HOXD3: variants seen among roughly 807,000 people sequenced by gnomAD.
HOXD3 encodes homeobox D3.
A neutral mutation model predicts 32.8 loss-of-function variants in HOXD3; 13 were observed. The observed-to-expected ratio is 0.40, with a 90% CI of 0.26 to 0.63. The LOEUF (loss-of-function observed/expected upper bound fraction) is 0.63, where lower values mean the gene tolerates loss of function less well. HOXD3 is among the 20% of genes least tolerant of loss of function. The probability of loss-of-function intolerance (pLI) is 0.44; values close to 1 mark genes in which losing one functional copy is unlikely to be tolerated. For missense variants in HOXD3, 504 were observed against 577.1 expected, an observed-to-expected ratio of 0.87 and a Z score of 1.30; for synonymous variants, 241 against 246.8, an observed-to-expected ratio of 0.98 and a Z score of 0.22.
chr2:176,172,592 C>A lies in HOXD3; in HGVS notation c.*318C>A. Reference sequence around the variant, plus strand: ...AAGTCTGAGACCCATCAGCGGCGCGCCCTGCAGAGGGACCAGAGCTTGGAG... The same window carrying A: ...AAGTCTGAGACCCATCAGCGGCGCGACCTGCAGAGGGACCAGAGCTTGGAG... On this transcript the variant is annotated 3_prime_UTR_variant, in exon 4 of 4. Coordinates refer to ENST00000683222, the MANE Select transcript of HOXD3 (RefSeq NM_006898.5). 1 of 337,680 alleles carries A rather than the reference C, an allele frequency of 3.0e-6. No individual in the cohort carries two copies. Among genetic ancestry groups the A allele is most frequent in the Non-Finnish European group, 5.4e-6 (1 of 185,690 alleles). The allele number at this position is 337,680 out of a possible 1,614,324, so 20.9% of individuals were successfully genotyped here. A position where few individuals can be genotyped will look rare whatever the true frequency, so the allele number is the denominator to read the frequency against.
upstream of HOXD3, among the ~76,000 whole-genome samples, chr2:176,154,797 A>G (rs973896516): frequency 6.6e-6 from 1 of 152,204 alleles, no homozygotes; most frequent in African/African-American, 2.4e-5. Flanking sequence ...ACATGGCAAT[A>G]CTTGAATGTC....
chr2:176,159,470 A>C (rs975265259), intron 1 of HOXD3, among the ~76,000 whole-genome samples: 10 of 152,326 alleles, frequency 6.6e-5, no homozygotes, highest in African/African-American at 2.4e-4. Context: ...AATCAGCAAC[A>C]GAGCATTTCA....
At chr2:176,169,002 T>C in intron 2 of HOXD3, 29 bp from the exon 3 acceptor site, 1 of 1,467,144 alleles carries the variant, frequency 6.8e-7, no homozygotes. Flanking sequence ...TGACACTCCC[T>C]CTGGGGCCTC....
intron 2 of HOXD3, chr2:176,165,108 C>A (rs1690922500): frequency 6.6e-6 from 1 of 152,280 alleles, no homozygotes; most frequent in Non-Finnish European, 1.5e-5. Flanking sequence ...TCTTTTGCTG[C>A]GCTGCCTCCT....
At chr2:176,166,830 T>C (rs1335907796) in intron 2 of HOXD3, among the ~76,000 whole-genome samples, 1 of 152,126 alleles carries the variant, frequency 6.6e-6, no homozygotes, top group Non-Finnish European at 1.5e-5. Context: ...AAAGACTAAT[T>C]AGAAGAATTT....
chr2:176,166,241 T>C (rs1690967081), intron 2 of HOXD3, among the ~76,000 whole-genome samples: 1 of 152,242 alleles, frequency 6.6e-6, no homozygotes, highest in South Asian at 2.1e-4. Flanking sequence ...TCTAGGAATA[T>C]GCCATAGAAG....
At chr2:176,166,738 C>T (rs1254166854) in intron 2 of HOXD3, among the ~76,000 whole-genome samples, 1 of 152,070 alleles carries the variant, frequency 6.6e-6, no homozygotes, top group Admixed American at 6.5e-5. Context: ...GTATTAAGGG[C>T]CTGTTCCTCA....
chr2:176,164,254 C>T (rs1460367624), intron 2 of HOXD3, 86 bp downstream of exon 2: 5 of 152,172 alleles, frequency 3.3e-5, no homozygotes, highest in Non-Finnish European at 7.3e-5. Context: ...TACATCAAGA[C>T]ATAGAACAAA....
intron 2 of HOXD3, chr2:176,164,948 G>C (rs925724986): frequency 1.3e-5 from 2 of 152,230 alleles, no homozygotes; most frequent in African/African-American, 4.8e-5. Context: ...GCCACCACGG[G>C]CAGCAGATTT....
chr2:176,154,209 T>A (rs1253536708), upstream of HOXD3, among the ~76,000 whole-genome samples: 1 of 152,182 alleles, frequency 6.6e-6, no homozygotes, highest in Non-Finnish European at 1.5e-5. Flanking sequence ...TGTAAAAGTA[T>A]AAAAGTTTTC....
upstream of HOXD3, among the ~76,000 whole-genome samples, chr2:176,157,068 G>C (rs930303640): frequency 4.6e-5 from 7 of 152,116 alleles, no homozygotes; most frequent in Non-Finnish European, 1.0e-4. Context: ...TGAGTATAGA[G>C]TACAGTAAAT....
upstream of HOXD3, among the ~76,000 whole-genome samples, chr2:176,156,711 A>G (rs1163635764): frequency 6.6e-6 from 1 of 152,130 alleles, no homozygotes; most frequent in Non-Finnish European, 1.5e-5. Flanking sequence ...AGTGCCCTGC[A>G]CTACATTTAC....
Position 176,165,004 on chromosome 2 carries a change from C to G in HOXD3, c.-85+836C>G, listed in dbSNP as rs865861807. On this transcript the variant is annotated intron_variant, in intron 2 of 3. Coordinates refer to ENST00000683222, the MANE Select transcript of HOXD3 (RefSeq NM_006898.5). Reference sequence around the variant, plus strand: ...GCGCGTTCGTCCCGCCTCCGACCGCCGAGCAGAGCTGCTAGCAGAAGCAGG... The same window carrying G: ...GCGCGTTCGTCCCGCCTCCGACCGCGGAGCAGAGCTGCTAGCAGAAGCAGG... 11 of 152,372 alleles carry G rather than the reference C, an allele frequency of 7.2e-5. No homozygotes were observed. The South Asian group carries it at 1.4e-3, about 20-fold the overall frequency. 9.4% of individuals were successfully genotyped at this position (152,372 alleles called of 1,614,324 possible).
In HOXD3 at chr2:176,169,246, C is replaced by A. The variant is rs771469636; in HGVS notation, c.132C>A (p.Ser44Arg). The change falls in exon 3 of 4, where the codon AGC (serine) becomes AGA (arginine). Residue 44 changes from serine to arginine, a missense_variant. Physicochemically the swap from Ser to Arg is moderately radical, Grantham distance 110. This residue lies in a region of HOXD3 where 181 missense variants were observed against 172.2 expected (regional missense o/e 1.05). Transcript: ENST00000683222. The part of the protein sequence containing the change: ...YSKTTDTYGY[S>R]TPHQPYPPPA... ...AAACTACGGACACTTACGGCTACAG[C>A]ACCCCCCACCAGCCCTACCCACCCC... 1.3e-5 allele frequency: 21 copies of A among 1,613,946 alleles called. No homozygotes were observed. The highest frequency in any genetic ancestry group is 1.7e-5 in the Non-Finnish European group (20 of 1,179,960).
chr2:176,154,477 A>T (rs548598149), upstream of HOXD3, among the ~76,000 whole-genome samples: 64 of 152,374 alleles, frequency 4.2e-4, no homozygotes, highest in South Asian at 1.7e-3. Context: ...AAAGTGGGAA[A>T]GGGAGAAAGG....
intron 1 of HOXD3, among the ~76,000 whole-genome samples, chr2:176,162,373 C>T (rs1690835371): frequency 6.6e-6 from 1 of 152,072 alleles, no homozygotes; most frequent in Non-Finnish European, 1.5e-5. Flanking sequence ...AAGAGTTTTC[C>T]TAGGGTGCTG....
intron 1 of HOXD3, among the ~76,000 whole-genome samples, chr2:176,159,034 A>G (rs1446232135): frequency 6.6e-6 from 1 of 152,176 alleles, no homozygotes; most frequent in Non-Finnish European, 1.5e-5. Context: ...AAAGGGTGCG[A>G]GACTGTTGGG....
intron 1 of HOXD3, among the ~76,000 whole-genome samples, chr2:176,159,848 G>C (rs886625093): frequency 6.6e-6 from 1 of 152,226 alleles, no homozygotes; most frequent in Non-Finnish European, 1.5e-5. Flanking sequence ...GGGCCTGTGG[G>C]ATCTGCGGGT....
chr2:176,172,197 C>T lies in HOXD3; in HGVS notation c.1222C>T (p.Pro408Ser), dbSNP rs542866375. Reference protein sequence around the residue: ...NHHHGPCDPHPTYTDLSAHHS... With the variant: ...NHHHGPCDPHSTYTDLSAHHS... ...CCACCATGGACCTTGCGACCCTCAT[C>T]CCACCTACACAGATCTCTCGGCCCA... The change falls in exon 4 of 4, where the codon CCC becomes TCC. Residue 408 changes from proline to serine, a missense_variant. Pro to Ser is a moderately conservative substitution (Grantham distance 74). Transcript: ENST00000683222. 1 of 1,612,502 alleles carries T rather than the reference C, an allele frequency of 6.2e-7. No homozygotes were observed. Among genetic ancestry groups the T allele is most frequent in the African/African-American group, 1.3e-5 (1 of 75,062 alleles).
Sources: gnomAD v4.1 joint callset for allele counts (sites outside exome capture counted in the v4.1 genomes callset) on GRCh38, gnomAD v4.1.1 for gene constraint, gnomAD v4.1.1 regional missense constraint, MANE v1.5 for transcripts, NCBI Gene and HGNC (gene_info 2026-07-23, HGNC 2026-07-21) for gene names.